The following PCDH11X variants were observed in gnomAD, a reference collection of about 807,000 sequenced individuals.
PCDH11X encodes protocadherin-11 X-linked.
In PCDH11X, 18 loss-of-function variants were observed where a neutral mutation model predicts 53.3. That is an observed-to-expected ratio of 0.34 (90% CI 0.23 to 0.50). PCDH11X has a LOEUF of 0.50. Among genes scored for constraint, PCDH11X ranks in the 20% least tolerant of loss-of-function variants. The pLI is 0.98. For synonymous variants in PCDH11X, 279 were observed against 393.3 expected, an observed-to-expected ratio of 0.71 and a Z score of 3.44; for missense variants, 570 against 1,032.4, an observed-to-expected ratio of 0.55 and a Z score of 6.14.
chrX:92,543,750 C>T (rs1227771024), intron 10 of PCDH11X, among the ~76,000 whole-genome samples: 2 of 105,482 alleles, frequency 1.9e-5, no homozygotes, highest in South Asian at 4.3e-4. Flanking sequence ...TGCACTCCAG[C>T]CTGGGTGACA....
At chrX:92,303,976 T>C (rs1056975008) in intron 8 of PCDH11X, among the ~76,000 whole-genome samples, 1 of 111,141 alleles carries the variant, frequency 9.0e-6, no homozygotes, top group Non-Finnish European at 1.9e-5. Context: ...GAATAAGAAC[T>C]CTTAGTTACC....
intron 4 of PCDH11X, among the ~76,000 whole-genome samples, chrX:91,818,902 A>G (rs1367152533): frequency 9.0e-6 from 1 of 111,423 alleles, no homozygotes; most frequent in Non-Finnish European, 1.9e-5. Context: ...TCACAGTGAA[A>G]CACAAAGATT....
At chrX:92,035,863 G>A (rs1395391397) in intron 6 of PCDH11X, among the ~76,000 whole-genome samples, 2 of 7,552 alleles carry the variant, frequency 2.6e-4, no homozygotes, top group Non-Finnish European at 4.2e-4. Flanking sequence ...TTTTATCTAC[G>A]TTGACTTTTC....
intron 9 of PCDH11X, chrX:92,459,916 C>A (rs2072999034): frequency 2.5e-6 from 3 of 1,177,573 alleles, no homozygotes; most frequent in Non-Finnish European, 3.4e-6. Flanking sequence ...GAAGACCATG[C>A]AAAGCCTGAA....
intron 10 of PCDH11X, among the ~76,000 whole-genome samples, chrX:92,505,953 G>GATTCAAGAT (rs1408150498): frequency 1.8e-5 from 2 of 110,230 alleles, no homozygotes; most frequent in Non-Finnish European, 3.8e-5. Context: ...TCTTGATGTG[G>GATTCAAGAT]CTCTCAGCTT....
Position 92,158,886 on chromosome X carries a change from G to A in PCDH11X, c.3034-42489G>A, listed in dbSNP as rs754466402. Among the ~76,000 whole-genome samples, 32 of 111,447 alleles carry A rather than the reference G, an allele frequency of 2.9e-4. No homozygotes were observed. The East Asian group carries it at 8.6e-3, about 30-fold the overall frequency. Reference sequence around the variant, plus strand: ...CCTGACCTCGTGATCTGCTCACCTCGGCCTCCCAAAGTGCTGGGATTACAG... The same window carrying A: ...CCTGACCTCGTGATCTGCTCACCTCAGCCTCCCAAAGTGCTGGGATTACAG... On this transcript the variant is annotated intron_variant, in intron 6 of 10. Coordinates refer to ENST00000682573, the MANE Select transcript of PCDH11X (RefSeq NM_032968.5).
intron 10 of PCDH11X, among the ~76,000 whole-genome samples, chrX:92,495,711 G>A (rs566103469): frequency 9.3e-6 from 1 of 107,625 alleles, no homozygotes; most frequent in Non-Finnish European, 1.9e-5. Flanking sequence ...CATGGCTGAG[G>A]AGGCCTCAGA....
At chrX:91,907,888 G>T (rs1003726012) in intron 6 of PCDH11X, among the ~76,000 whole-genome samples, 5 of 111,539 alleles carry the variant, frequency 4.5e-5, no homozygotes, top group Non-Finnish European at 9.4e-5. Context: ...GCAGTGTATG[G>T]TTTTCTATTC....
intron 6 of PCDH11X, among the ~76,000 whole-genome samples, chrX:92,143,972 C>T (rs1036636382): frequency 1.8e-5 from 2 of 111,883 alleles, no homozygotes; most frequent in Admixed American, 9.5e-5. Flanking sequence ...GACCTGGAGT[C>T]AAAGGAGGTC....
chrX:92,255,643 T>G (rs2148404446), intron 7 of PCDH11X, among the ~76,000 whole-genome samples: 1 of 110,169 alleles, frequency 9.1e-6, no homozygotes, highest in East Asian at 2.9e-4. Context: ...TTCTGTTTGT[T>G]AGTTTTCCTT....
intron 8 of PCDH11X, among the ~76,000 whole-genome samples, chrX:92,302,812 AC>A (rs2068749948): frequency 9.0e-6 from 1 of 110,879 alleles, no homozygotes; most frequent in South Asian, 3.8e-4. Flanking sequence ...ATGATTCAAG[AC>A]CTTAAAACAT....
intron 10 of PCDH11X, among the ~76,000 whole-genome samples, chrX:92,559,440 TACAC>T (rs199701051): frequency 0.024 from 2,396 of 100,428 alleles, 30 homozygotes; most frequent in Admixed American, 0.064. Context: ...CAAGTATCTT[TACAC>T]ACACACACAC....
intron 6 of PCDH11X, chrX:92,113,701 T>A: frequency 1.7e-6 from 2 of 1,202,971 alleles, no homozygotes; most frequent in Non-Finnish European, 1.1e-6. Context: ...CTCCTCTCGT[T>A]CCACGTTGAT....
At chrX:92,595,001 T>A (rs1290938571) in intron 10 of PCDH11X, among the ~76,000 whole-genome samples, 1 of 111,119 alleles carries the variant, frequency 9.0e-6, no homozygotes, top group African/African-American at 3.3e-5. Flanking sequence ...TATTTCCAAG[T>A]GTACTTAATT....
chrX:91,920,741 A>G (rs1481434682), intron 6 of PCDH11X, among the ~76,000 whole-genome samples: 1 of 110,608 alleles, frequency 9.0e-6, no homozygotes, highest in African/African-American at 3.3e-5. Context: ...TTTAGAAAAA[A>G]ATCCCTCTAT....
intron 5 of PCDH11X, among the ~76,000 whole-genome samples, chrX:91,846,953 T>C (rs1300295857): frequency 8.9e-6 from 1 of 112,092 alleles, no homozygotes; most frequent in African/African-American, 3.2e-5. Flanking sequence ...CTTTCCTAGT[T>C]GCAGTTATCA....
chrX:92,212,597 G>T (rs764171707), intron 7 of PCDH11X, among the ~76,000 whole-genome samples: 1 of 111,585 alleles, frequency 9.0e-6, no homozygotes, highest in East Asian at 2.9e-4. Context: ...TGATCCACCC[G>T]CCTCGGCCTC....
At chrX:91,831,052 G>A (rs1175515642) in intron 4 of PCDH11X, among the ~76,000 whole-genome samples, 1 of 111,841 alleles carries the variant, frequency 8.9e-6, no homozygotes, top group Non-Finnish European at 1.9e-5. Flanking sequence ...TTCTAGAATT[G>A]CATATAGTAG....
chrX:92,230,265 A>C (rs2148368272), intron 7 of PCDH11X, among the ~76,000 whole-genome samples: 1 of 106,137 alleles, frequency 9.4e-6, no homozygotes, highest in African/African-American at 3.4e-5. Context: ...TTCCTCATAT[A>C]ATTTGTATAA....
Sources: gnomAD v4.1 joint callset for allele counts (sites outside exome capture counted in the v4.1 genomes callset) on GRCh38, gnomAD v4.1.1 for gene constraint, MANE v1.5 for transcripts, NCBI Gene and HGNC (gene_info 2026-07-23, HGNC 2026-07-21) for gene names.